The following PPM1E variants were observed in gnomAD, a reference collection of about 807,000 sequenced individuals.
The protein encoded by PPM1E is protein phosphatase 1E.
A neutral mutation model predicts 65.9 loss-of-function variants in PPM1E; 20 were observed. The ratio of observed to expected loss-of-function variants is 0.30; its 90% CI spans 0.21 to 0.44. The LOEUF (loss-of-function observed/expected upper bound fraction) is 0.44, where lower values mean the gene tolerates loss of function less well. PPM1E is among the 20% of genes least tolerant of loss of function. The pLI is 1.00. For synonymous variants in PPM1E, 352 were observed against 374.9 expected (o/e 0.94, Z 0.70); for missense variants, 713 against 953.1 (o/e 0.75, Z 3.32).
chr17:58,766,305 G>T (rs570731413), intron 1 of PPM1E, among the ~76,000 whole-genome samples: 4 of 147,038 alleles, frequency 2.7e-5, no homozygotes, highest in Non-Finnish European at 5.9e-5. Context: ...AGGTTCAAGC[G>T]ATTCTCCTGA....
chr17:58,849,553 T>C (rs1371666566), intron 1 of PPM1E, among the ~76,000 whole-genome samples: 1 of 152,208 alleles, frequency 6.6e-6, no homozygotes, highest in Non-Finnish European at 1.5e-5. Context: ...CAGGATCAGG[T>C]TGTTCAGTTT....
At chr17:58,822,241 T>C (rs887088500) in intron 1 of PPM1E, among the ~76,000 whole-genome samples, 1 of 152,324 alleles carries the variant, frequency 6.6e-6, no homozygotes, top group South Asian at 2.1e-4. Flanking sequence ...ATGAAGTACA[T>C]ATGCAACTAG....
At chr17:58,909,526 T>A (rs1240538866) in intron 1 of PPM1E, among the ~76,000 whole-genome samples, 4 of 152,162 alleles carry the variant, frequency 2.6e-5, no homozygotes, top group African/African-American at 9.7e-5. Flanking sequence ...ATGACAGGTG[T>A]GAGCCACCAT....
intron 1 of PPM1E, among the ~76,000 whole-genome samples, chr17:58,860,140 A>G (rs1215309442): frequency 6.6e-6 from 1 of 152,240 alleles, no homozygotes; most frequent in African/African-American, 2.4e-5. Flanking sequence ...AAAGATGGAA[A>G]CTAAATGATC....
intron 1 of PPM1E, among the ~76,000 whole-genome samples, chr17:58,902,380 A>G (rs1210324930): frequency 6.6e-6 from 1 of 151,976 alleles, no homozygotes; most frequent in Non-Finnish European, 1.5e-5. Flanking sequence ...TTCCTTCTGT[A>G]AGTTCTTCAG....
chr17:58,965,685 C>T lies in PPM1E; in HGVS notation c.584-9C>T. 3 of 1,611,268 alleles carry T rather than the reference C, an allele frequency of 1.9e-6. No homozygotes were observed. ...CTCTTCATTGGGGGTTTCTGTGTTT[C>T]TTTCACAGAGATTGAGACAGTGAAA... is the stretch of plus-strand genomic sequence containing the variant. On this transcript the variant is annotated splice_polypyrimidine_tract_variant and intron_variant, in intron 2 of 6. Coordinates refer to ENST00000308249, the MANE Select transcript of PPM1E (RefSeq NM_014906.5).
intron 1 of PPM1E, among the ~76,000 whole-genome samples, chr17:58,933,506 T>C (rs2051930298): frequency 6.6e-6 from 1 of 152,158 alleles, no homozygotes; most frequent in Admixed American, 6.5e-5. Context: ...TTTAGAAAGA[T>C]GGAAACAGGC....
intron 1 of PPM1E, among the ~76,000 whole-genome samples, chr17:58,808,389 T>A (rs1313934149): frequency 6.6e-6 from 1 of 152,164 alleles, no homozygotes; most frequent in Non-Finnish European, 1.5e-5. Context: ...AATTGATAGG[T>A]CATTTTGAAA....
At chr17:58,878,444 A>AT (rs1454557751) in intron 1 of PPM1E, among the ~76,000 whole-genome samples, 2 of 151,418 alleles carry the variant, frequency 1.3e-5, no homozygotes, top group East Asian at 4.0e-4. Flanking sequence ...GGGTTTCACT[A>AT]TGTTAGCCAG....
intron 1 of PPM1E, among the ~76,000 whole-genome samples, chr17:58,921,400 G>A (rs1318089669): frequency 6.6e-6 from 1 of 152,104 alleles, no homozygotes; most frequent in Non-Finnish European, 1.5e-5. Flanking sequence ...TCCAGTAGAT[G>A]TGGCTAGGTG....
intron 1 of PPM1E, among the ~76,000 whole-genome samples, chr17:58,932,150 G>T (rs2051908344): frequency 6.6e-6 from 1 of 152,032 alleles, no homozygotes; most frequent in South Asian, 2.1e-4. Context: ...GAAGGATAAG[G>T]GTGAGAGATA....
intron 1 of PPM1E, among the ~76,000 whole-genome samples, chr17:58,865,976 G>T (rs1438184789): frequency 6.6e-6 from 1 of 152,206 alleles, no homozygotes; most frequent in Non-Finnish European, 1.5e-5. Context: ...GTTTTAAACA[G>T]AGGTAAGATT....
At chr17:58,757,067 G>A (rs1347128697) in intron 1 of PPM1E, among the ~76,000 whole-genome samples, 1 of 152,192 alleles carries the variant, frequency 6.6e-6, no homozygotes, top group African/African-American at 2.4e-5. Context: ...AAAGTGAAGG[G>A]CTTTTTAGAT....
intron 1 of PPM1E, among the ~76,000 whole-genome samples, chr17:58,810,914 G>C (rs1185670479): frequency 1.3e-5 from 2 of 152,108 alleles, no homozygotes; most frequent in South Asian, 2.1e-4. Flanking sequence ...CTGGAGTACA[G>C]TGGCACAATC....
rs879262306 is a variant in PPM1E at position 58,817,756 on chromosome 17, G to GTT, written c.464+61307_464+61308dup. Among the ~76,000 whole-genome samples the GTT allele has an allele frequency of 1.4e-4, 20 of 145,332 alleles. 1 individual carries two copies. Among genetic ancestry groups the GTT allele is most frequent in the African/African-American group, 1.8e-4 (7 of 39,992 alleles). ...CATTTCTCAAAAAGAATACACTCTA[G>GTT]TTTTTTTTTTTTTGAGACAGAGTCT... On this transcript the variant is annotated intron_variant, in intron 1 of 6. Coordinates refer to ENST00000308249, the MANE Select transcript of PPM1E (RefSeq NM_014906.5).
At chr17:58,824,227 T>A (rs573743367) in intron 1 of PPM1E, among the ~76,000 whole-genome samples, 9 of 152,278 alleles carry the variant, frequency 5.9e-5, no homozygotes, top group Non-Finnish European at 7.3e-5. Flanking sequence ...CATTTATTTA[T>A]ATATAATTTA....
intron 1 of PPM1E, among the ~76,000 whole-genome samples, chr17:58,817,468 T>G (rs1001372238): frequency 2.6e-5 from 4 of 152,226 alleles, no homozygotes; most frequent in African/African-American, 7.2e-5. Context: ...TTTCATAAAT[T>G]GTTATCATTT....
At chr17:58,888,282 T>G (rs943513729) in intron 1 of PPM1E, among the ~76,000 whole-genome samples, 2 of 129,438 alleles carry the variant, frequency 1.5e-5, no homozygotes, top group Non-Finnish European at 3.3e-5. Flanking sequence ...ATACATACAA[T>G]GAAAACTTCG....
intron 1 of PPM1E, among the ~76,000 whole-genome samples, chr17:58,947,402 AGTTTTTG>A (rs1195197766): frequency 8.6e-5 from 13 of 151,486 alleles, no homozygotes; most frequent in Non-Finnish European, 1.6e-4. Flanking sequence ...ACACCCAGCT[AGTTTTTG>A]TATTTTTGGT....
Sources: allele counts gnomAD v4.1 joint callset (sites outside exome capture counted in the v4.1 genomes callset), GRCh38; gene constraint gnomAD v4.1.1; transcripts MANE v1.5; gene names NCBI Gene and HGNC (gene_info 2026-07-23, HGNC 2026-07-21).